The following RPAP1 variants were observed in gnomAD, a reference collection of about 807,000 sequenced individuals.
RPAP1 encodes RNA polymerase II-associated protein 1.
RPAP1 carries 109 observed loss-of-function variants against 142.4 expected under a neutral mutation model. That is an observed-to-expected ratio of 0.77 (90% CI 0.66 to 0.90). RPAP1 has a LOEUF of 0.90. RPAP1 is among the 40% of genes least tolerant of loss of function. The probability of loss-of-function intolerance (pLI) is 0.00; values close to 1 mark genes in which losing one functional copy is unlikely to be tolerated. For missense variants in RPAP1, 1,546 were observed against 1,751.7 expected (o/e 0.88, Z 2.10); for synonymous variants, 704 against 738.9 (o/e 0.95, Z 0.77).
In RPAP1 at chr15:41,522,725, G is replaced by T. The variant is rs761571924; in HGVS notation, c.2742+40C>A. On this transcript the variant is annotated intron_variant, in intron 19 of 24. Transcript: ENST00000304330. ...CTTTCTTTCTGATTCCTGCCATCTTGGCCCCTTGCCTGGCCCCTAATCAGG... is the reference window on the plus strand; with the variant it reads ...CTTTCTTTCTGATTCCTGCCATCTTTGCCCCTTGCCTGGCCCCTAATCAGG... 1.7e-4 allele frequency: 119 copies of T among 697,188 alleles called. 1 individual carries two copies. In the East Asian group the frequency reaches 7.0e-3, roughly 41 times the overall value. The allele number at this position is 697,188 out of a possible 1,614,324, so 43.2% of individuals were successfully genotyped here. A position where few individuals can be genotyped will look rare whatever the true frequency, so the allele number is the denominator to read the frequency against.
In RPAP1 at chr15:41,529,663, G is replaced by A. The variant is rs1595484979; in HGVS notation, c.1060-95C>T. On this transcript the variant is annotated intron_variant, in intron 8 of 24. Transcript: ENST00000304330. ...TAATCCCAGGCCTTTCAGGACTTAG[G>A]TACTGACTCTACTTCTACCAGAAAT... 3 of 983,148 alleles carry A rather than the reference G, an allele frequency of 3.1e-6. No homozygotes were observed. In the East Asian group the frequency reaches 7.8e-5, roughly 25 times the overall value. The allele number at this position is 983,148 out of a possible 1,614,324, so 60.9% of individuals were successfully genotyped here. A position where few individuals can be genotyped will look rare whatever the true frequency, so the allele number is the denominator to read the frequency against.
chr15:41,523,994 C>A (rs2051761475), intron 16 of RPAP1, 22 bp from the exon 17 acceptor site: 1 of 1,613,054 alleles, frequency 6.2e-7, no homozygotes. Flanking sequence ...CCAAAGGGTG[C>A]CACAGTGAGG....
In RPAP1 at chr15:41,535,515, C is replaced by A. The variant is rs770990524; in HGVS notation, c.538G>T (p.Glu180Ter). The A allele has an allele frequency of 1.8e-5, 29 of 1,606,258 alleles. No individual in the cohort carries two copies. The highest frequency in any genetic ancestry group is 2.5e-5 in the Non-Finnish European group (29 of 1,177,988). The change falls in exon 5 of 25, where the codon GAG (glutamate) becomes TAG (stop). Residue 180 changes from glutamate (E) to a stop codon, truncating the protein, a stop_gained. Transcript: ENST00000304330. LOFTEE classifies it high-confidence loss of function. The part of the protein sequence containing the change: ...GEVVPNVGPP[E>*]GAVTCETPTP... The stretch of plus-strand genomic sequence containing the variant: ...ATCCTCTTCAACCCCGGCTCACCCT[C>A]TGGTGGGCCCACGTTGGGCACAACT...
chr15:41,537,808 G>T (rs1403558332), intron 1 of RPAP1, among the ~76,000 whole-genome samples: 1 of 151,520 alleles, frequency 6.6e-6, no homozygotes, highest in Non-Finnish European at 1.5e-5. Context: ...GCTTGAACCT[G>T]GGAGATGGAG....
chr15:41,522,904 G>T lies in RPAP1; in HGVS notation c.2603C>A (p.Pro868His), dbSNP rs769497882. 6.4e-7 allele frequency: 1 copy of T among 1,569,192 alleles called. No homozygotes were observed. The highest frequency in any genetic ancestry group is 8.6e-7 in the Non-Finnish European group (1 of 1,166,422). Residue 868 changes from proline to histidine, a missense_variant, in exon 19 of 25, where the codon CCC (proline) becomes CAC (histidine). Around this residue, in one of 3 missense-constraint regions of RPAP1, gnomAD observed 1,333 missense variants for 1,486.6 expected, o/e 0.90. Transcript: ENST00000304330. ...LSCVPALEAPPSLVSLGCSGG... is the reference protein window; with the variant it reads ...LSCVPALEAPHSLVSLGCSGG... ...CGAGCAGCCCAGTGACACGAGGCTG[G>T]GGGGAGCTTCAAGGGCTGGCACACA... is the stretch of plus-strand genomic sequence containing the variant.
chr15:41,531,623 ATATATTTTT>A (rs2051850712), intron 6 of RPAP1, among the ~76,000 whole-genome samples: 10 of 35,430 alleles, frequency 2.8e-4, no homozygotes, highest in African/African-American at 7.4e-4. Context: ...ATATATATAT[ATATATTTTT>A]TTTTTTTTTT....
intron 14 of RPAP1, 112 bp downstream of exon 14, chr15:41,526,786 G>C: frequency 1.9e-6 from 2 of 1,078,622 alleles, no homozygotes; most frequent in Non-Finnish European, 2.7e-6. Context: ...AACTGGATCA[G>C]AGAGGAAGAA....
At chr15:41,527,760 C>T in intron 11 of RPAP1, 100 bp downstream of exon 11, 1 of 1,515,960 alleles carries the variant, frequency 6.6e-7, no homozygotes, top group East Asian at 2.3e-5. Flanking sequence ...TCCCATTCTA[C>T]ATCTTGCCCG....
chr15:41,527,588 G>A lies in RPAP1; in HGVS notation c.1446C>T (p.Thr482=), dbSNP rs2051807030. The A allele has an allele frequency of 1.2e-6, 2 of 1,613,392 alleles. No individual in the cohort carries two copies. Among genetic ancestry groups the A allele is most frequent in the African/African-American group, 1.3e-5 (1 of 74,974 alleles). The part of the protein sequence containing the change: ...APGDEELLDS[T]FSWYHGALTF... ...TCAAAGCTCCATGGTACCAAGAGAA[G>A]GTGCTGTCGAGGAGCTCCTGCCAGA... Residue 482 remains threonine, a synonymous_variant, in exon 12 of 25, where the codon ACC becomes ACT. Transcript: ENST00000304330.
In RPAP1 at chr15:41,523,243, A is replaced by T; in HGVS notation, c.2546+2T>A. Reference sequence around the variant, plus strand: ...CCCCCAGCTACCAAACACAGTACATACCTAAGGGAATCCCACAGGCTGCCC... The same window carrying T: ...CCCCCAGCTACCAAACACAGTACATTCCTAAGGGAATCCCACAGGCTGCCC... On this transcript the variant is annotated splice_donor_variant, in intron 18 of 24. Coordinates refer to ENST00000304330, the MANE Select transcript of RPAP1 (RefSeq NM_015540.4). LOFTEE classifies it high-confidence loss of function. The T allele has an allele frequency of 6.3e-7, 1 of 1,579,758 alleles. No individual in the cohort carries two copies. Among genetic ancestry groups the T allele is most frequent in the Non-Finnish European group, 8.6e-7 (1 of 1,159,608 alleles).
chr15:41,520,722 C>T lies in RPAP1; in HGVS notation c.3464G>A (p.Arg1155His), dbSNP rs374674439. 8.0e-5 allele frequency: 129 copies of T among 1,613,886 alleles called. 2 individuals are homozygous for T. In the South Asian group the frequency reaches 1.0e-3, roughly 13 times the overall value. Residue 1155 changes from arginine (R) to histidine (H), a missense_variant, in exon 22 of 25, where the codon CGC (arginine) becomes CAC (histidine). Transcript: ENST00000304330. Reference protein sequence around the residue: ...QALWAVPPAARLARLMCVFLV... With the variant: ...QALWAVPPAAHLARLMCVFLV... ...GAACACACACATGAGCCGTGCCAGG[C>T]GGGCAGCAGGGGGCACAGCCCAGAG...
rs1303266654 is a variant in RPAP1, at chr15:41,522,090, G to A, written c.2895+8C>T. The stretch of plus-strand genomic sequence containing the variant: ...TGACAGGAGAACCTGTCAGACAGGG[G>A]GACCTACCGCTTTCTGGGCCAGAGC... On this transcript the variant is annotated splice_region_variant and intron_variant, in intron 20 of 24. Transcript: ENST00000304330. 4.3e-6 allele frequency: 7 copies of A among 1,612,402 alleles called. No individual in the cohort carries two copies. The highest frequency in any genetic ancestry group is 4.2e-6 in the Non-Finnish European group (5 of 1,179,360).
rs777261526 is a variant in RPAP1, at chr15:41,518,189, CA to C, written c.3796-8del. 13 of 1,557,284 alleles carry C rather than the reference CA, an allele frequency of 8.3e-6. No homozygotes were observed. The African/African-American group carries it at 1.1e-4, about 13-fold the overall frequency. On this transcript the variant is annotated splice_region_variant and splice_polypyrimidine_tract_variant and intron_variant, in intron 22 of 24. Transcript: ENST00000304330. ...ACTCCAGGGACACAGGCAACTGTGA[CA>C]GGGGAAATGACGTGCTGAGGGGGAG...
intron 5 of RPAP1, 69 bp from the exon 6 acceptor site, chr15:41,535,004 T>C: frequency 6.9e-7 from 1 of 1,456,912 alleles, no homozygotes; most frequent in East Asian, 2.3e-5. Context: ...TTTGGCCTTC[T>C]TCTATAAGGC....
Position 41,523,139 on chromosome 15 carries a change from G to T in RPAP1, c.2546+106C>A. On this transcript the variant is annotated intron_variant, in intron 18 of 24. Coordinates refer to ENST00000304330, the MANE Select transcript of RPAP1 (RefSeq NM_015540.4). ...TAGGGACTCGGGTTTCCCTCGGGCC[G>T]AGGGCCTGCACCCTGGGATGGACCT... 6 of 983,312 alleles carry T rather than the reference G, an allele frequency of 6.1e-6. No individual in the cohort carries two copies. The South Asian group carries it at 1.0e-4, about 17-fold the overall frequency. The allele number at this position is 983,312 out of a possible 1,614,324, so 60.9% of individuals were successfully genotyped here.
chr15:41,529,700 G>A, intron 8 of RPAP1, 132 bp from the exon 9 acceptor site: 1 of 839,332 alleles, frequency 1.2e-6, no homozygotes, highest in Non-Finnish European at 1.9e-6. Context: ...GGGCTTATCT[G>A]GCCTTGGGGG....
At chr15:41,519,982 G>A in intron 22 of RPAP1, 1 of 234,372 alleles carries the variant, frequency 4.3e-6, no homozygotes, top group Non-Finnish European at 8.5e-6. Flanking sequence ...TCACTGGGCT[G>A]GGGTGCAGTG....
intron 22 of RPAP1, chr15:41,518,429 T>C (rs796751913): frequency 1.5e-4 from 54 of 358,136 alleles, no homozygotes; most frequent in African/African-American, 1.1e-3. Flanking sequence ...ACGCCTGTAA[T>C]CTCAGCACTT....
Position 41,534,951 on chromosome 15 carries a change from G to A in RPAP1, c.542-16C>T. ...GTCACGGCACCTGGAAGAAAGGTATGATCACATTCATTGCTCTGTCCTCCA... is the reference window on the plus strand; with the variant it reads ...GTCACGGCACCTGGAAGAAAGGTATAATCACATTCATTGCTCTGTCCTCCA... On this transcript the variant is annotated splice_polypyrimidine_tract_variant and intron_variant, in intron 5 of 24. Transcript: ENST00000304330. The A allele has an allele frequency of 6.2e-7, 1 of 1,611,402 alleles. No individual in the cohort carries two copies. Among genetic ancestry groups the A allele is most frequent in the Non-Finnish European group, 8.5e-7 (1 of 1,177,994 alleles).
Sources: gnomAD v4.1 joint callset for allele counts (sites outside exome capture counted in the v4.1 genomes callset) on GRCh38, gnomAD v4.1.1 for gene constraint, gnomAD v4.1.1 regional missense constraint, MANE v1.5 for transcripts, NCBI Gene and HGNC (gene_info 2026-07-23, HGNC 2026-07-21) for gene names.